The following FAM184A variants were observed in gnomAD, a reference collection of about 807,000 sequenced individuals.
The protein encoded by FAM184A is family with sequence similarity 184 member A.
FAM184A carries 99 observed loss-of-function variants against 143.8 expected under a neutral mutation model. That is an observed-to-expected ratio of 0.69 (90% confidence interval 0.58 to 0.81). The LOEUF (loss-of-function observed/expected upper bound fraction) is 0.81. FAM184A is among the 40% of genes least tolerant of loss of function. The pLI is 0.00. For missense variants in FAM184A, 1,217 were observed against 1,310.5 expected, an observed-to-expected ratio of 0.93 and a Z score of 1.10; for synonymous variants, 427 against 446.4, an observed-to-expected ratio of 0.96 and a Z score of 0.55.
intron 7 of FAM184A, among the ~76,000 whole-genome samples, chr6:119,004,890 AAGGCAGCC>A (rs1784875694): frequency 6.6e-6 from 1 of 152,192 alleles, no homozygotes; most frequent in African/African-American, 2.4e-5. Flanking sequence ...AGCCGGGGGA[AAGGCAGCC>A]AGGATAAAAT....
In FAM184A at chr6:119,089,980, T is replaced by C. The variant is rs569336316; in HGVS notation, c.-202+59098A>G. On this transcript the variant is annotated intron_variant, in intron 1 of 16. Transcript: ENST00000352896. ...ACAATAAATGTTTATTTCCAATTTT[T>C]AGTTAACTTCATTTTCTCAACCAAC... is the stretch of plus-strand genomic sequence containing the variant. Among the ~76,000 whole-genome samples the C allele has an allele frequency of 1.1e-4, 17 of 152,340 alleles. No individual in the cohort carries two copies. The South Asian group carries it at 3.1e-3, about 28-fold the overall frequency.
intron 15 of FAM184A, among the ~76,000 whole-genome samples, chr6:118,965,344 G>A (rs906842086): frequency 3.3e-5 from 5 of 151,358 alleles, no homozygotes; most frequent in Admixed American, 1.3e-4. Flanking sequence ...CATCATATCC[G>A]GCCTCATTAT....
At chr6:119,088,616 G>T (rs564751654) in intron 1 of FAM184A, among the ~76,000 whole-genome samples, 1 of 151,976 alleles carries the variant, frequency 6.6e-6, no homozygotes, top group African/African-American at 2.4e-5. Flanking sequence ...AAACTTCTTC[G>T]GGGTTGGCCA....
At chr6:119,130,641 T>G (rs1582641760) in intron 1 of FAM184A, among the ~76,000 whole-genome samples, 1 of 152,214 alleles carries the variant, frequency 6.6e-6, no homozygotes, top group East Asian at 1.9e-4. Flanking sequence ...CCTACCCTGA[T>G]GGACCCTGCT....
intron 1 of FAM184A, among the ~76,000 whole-genome samples, chr6:119,113,394 T>A (rs1016705214): frequency 1.3e-5 from 2 of 152,160 alleles, no homozygotes; most frequent in Admixed American, 1.3e-4. Context: ...GTCCCCATTA[T>A]GACTTGGTGC....
intron 9 of FAM184A, among the ~76,000 whole-genome samples, chr6:119,002,542 T>C (rs967900586): frequency 3.3e-5 from 5 of 152,138 alleles, no homozygotes; most frequent in African/African-American, 1.2e-4. Flanking sequence ...ATGATACATA[T>C]AATAAATTCT....
At chr6:119,122,425 C>T (rs1281347130) in intron 1 of FAM184A, among the ~76,000 whole-genome samples, 1 of 152,094 alleles carries the variant, frequency 6.6e-6, no homozygotes, top group Non-Finnish European at 1.5e-5. Flanking sequence ...GCAAGGTGGC[C>T]TTTCTGACAG....
At chr6:119,107,084 T>C (rs1788807722) in intron 1 of FAM184A, among the ~76,000 whole-genome samples, 1 of 152,198 alleles carries the variant, frequency 6.6e-6, no homozygotes, top group Non-Finnish European at 1.5e-5. Flanking sequence ...AATTGTAATA[T>C]GGAATTGTTA....
intron 1 of FAM184A, among the ~76,000 whole-genome samples, chr6:119,117,965 AG>A (rs973761420): frequency 6.6e-6 from 1 of 152,154 alleles, no homozygotes; most frequent in African/African-American, 2.4e-5. Flanking sequence ...AGCTGGAGGC[AG>A]GGTCTAAATT....
At chr6:119,071,559 C>T (rs1055009359) in intron 1 of FAM184A, among the ~76,000 whole-genome samples, 3 of 152,136 alleles carry the variant, frequency 2.0e-5, no homozygotes, top group African/African-American at 7.2e-5. Flanking sequence ...AGTAAGTATA[C>T]AGAGGAGACA....
chr6:119,023,158 A>G (rs1015461338), intron 2 of FAM184A, 78 bp from the exon 3 acceptor site: 1 of 1,490,366 alleles, frequency 6.7e-7, no homozygotes, highest in South Asian at 1.2e-5. Flanking sequence ...TATAAGGGTC[A>G]GCTTTCTCTT....
intron 1 of FAM184A, among the ~76,000 whole-genome samples, chr6:119,068,760 C>T (rs1488495349): frequency 3.9e-5 from 6 of 152,040 alleles, no homozygotes; most frequent in Admixed American, 3.9e-4. Context: ...TCCTTTTACC[C>T]GCTCTACCCC....
intron 7 of FAM184A, 130 bp from the exon 8 acceptor site, chr6:119,003,752 T>C (rs1784838370): frequency 1.2e-6 from 1 of 837,182 alleles, no homozygotes; most frequent in Non-Finnish European, 1.6e-6. Context: ...TTGATAATGC[T>C]ATCTGTGAAA....
At chr6:119,012,112 G>A (rs1785108071) in intron 5 of FAM184A, among the ~76,000 whole-genome samples, 1 of 152,102 alleles carries the variant, frequency 6.6e-6, no homozygotes, top group Non-Finnish European at 1.5e-5. Context: ...TCCTAAGCAT[G>A]GTTTGAAGGA....
At chr6:119,033,171 G>T (rs2114710770) in intron 1 of FAM184A, among the ~76,000 whole-genome samples, 1 of 152,260 alleles carries the variant, frequency 6.6e-6, no homozygotes, top group African/African-American at 2.4e-5. Flanking sequence ...ACTGTTTGGA[G>T]CCGGGGTATT....
intron 16 of FAM184A, chr6:118,962,216 A>G (rs1278112025): frequency 8.3e-6 from 4 of 480,674 alleles, no homozygotes; most frequent in Non-Finnish European, 1.5e-5. Flanking sequence ...GGAGTCATTC[A>G]CGAGGAATGA....
rs144346853 is a variant in FAM184A at position 119,103,340 on chromosome 6, AG to A, written c.-202+45737del. Among the ~76,000 whole-genome samples, 641 of 152,336 alleles carry A rather than the reference AG, an allele frequency of 4.2e-3. 7 individuals are homozygous for A. Among genetic ancestry groups the A allele is most frequent in the African/African-American group, 0.015 (616 of 41,570 alleles). On this transcript the variant is annotated intron_variant, in intron 1 of 16. Coordinates refer to the FAM184A transcript ENST00000352896. Reference sequence around the variant, plus strand: ...CCCAAATCTATTTACTGACTACTTCAGGATTTTCTGATACATGAGTTAACAA... The same window carrying A: ...CCCAAATCTATTTACTGACTACTTCAGATTTTCTGATACATGAGTTAACAA...
chr6:119,051,469 G>C (rs1439548575), intron 1 of FAM184A, among the ~76,000 whole-genome samples: 11 of 152,150 alleles, frequency 7.2e-5, no homozygotes, highest in Admixed American at 7.2e-4. Context: ...CTATTTGATA[G>C]CACAGTAGGA....
At chr6:118,961,637 G>A (rs150675193) in intron 17 of FAM184A, 124 bp downstream of exon 17, 25 of 833,298 alleles carry the variant, frequency 3.0e-5, no homozygotes, top group Non-Finnish European at 4.3e-5. Context: ...AATATACTTT[G>A]AAGAAAATAT....
Sources: allele counts gnomAD v4.1 joint callset (sites outside exome capture counted in the v4.1 genomes callset), GRCh38; gene constraint gnomAD v4.1.1; transcripts MANE v1.5; gene names NCBI Gene and HGNC (gene_info 2026-07-23, HGNC 2026-07-21).